AFAP1L2: variants seen among roughly 807,000 people sequenced by gnomAD.
AFAP1L2 encodes the protein actin filament associated protein 1 like 2.
A neutral mutation model predicts 99.3 loss-of-function variants in AFAP1L2; 46 were observed. The observed-to-expected ratio is 0.46, with a 90% CI of 0.37 to 0.59. The LOEUF (loss-of-function observed/expected upper bound fraction) is 0.59, where lower values mean the gene tolerates loss of function less well. Among genes scored for constraint, AFAP1L2 ranks in the 20% least tolerant of loss-of-function variants. AFAP1L2 has a pLI of 0.00. For missense variants in AFAP1L2, 959 were observed against 1,034.9 expected (o/e 0.93, Z 1.01); for synonymous variants, 397 against 419.1 (o/e 0.95, Z 0.64).
chr10:114,397,297 T>G (rs891396855), intron 1 of AFAP1L2, among the ~76,000 whole-genome samples: 2 of 152,202 alleles, frequency 1.3e-5, no homozygotes, highest in Non-Finnish European at 2.9e-5. Context: ...CTGATCTGTT[T>G]CCCTATAGTT....
At chr10:114,334,740 CCACT>C (rs2047680852) in intron 2 of AFAP1L2, among the ~76,000 whole-genome samples, 1 of 152,190 alleles carries the variant, frequency 6.6e-6, no homozygotes, top group African/African-American at 2.4e-5. Flanking sequence ...AGATTCCCAC[CCACT>C]GAGACTCAGA....
At chr10:114,316,236 G>A (rs754389923) in intron 5 of AFAP1L2, among the ~76,000 whole-genome samples, 41 of 152,224 alleles carry the variant, frequency 2.7e-4, no homozygotes, top group Non-Finnish European at 5.0e-4. Flanking sequence ...AACGCCATCC[G>A]TGCTCCACCT....
chr10:114,378,557 T>C (rs1193625853), intron 1 of AFAP1L2, among the ~76,000 whole-genome samples: 1 of 152,234 alleles, frequency 6.6e-6, no homozygotes, highest in Non-Finnish European at 1.5e-5. Flanking sequence ...TGAGAAATGG[T>C]CCGTCTCCCT....
At chr10:114,307,769 T>C (rs1161833030) in intron 10 of AFAP1L2, 36 bp downstream of exon 10, 1 of 1,580,534 alleles carries the variant, frequency 6.3e-7, no homozygotes, top group South Asian at 1.1e-5. Flanking sequence ...GCCCAGGAAA[T>C]GAGCCTGTGG....
intron 4 of AFAP1L2, 50 bp downstream of exon 4, chr10:114,331,753 G>T: frequency 7.9e-7 from 1 of 1,264,708 alleles, no homozygotes. Flanking sequence ...ACAACTGGAA[G>T]TTCAAGGGGC....
chr10:114,321,208 C>T (rs1383076959), intron 5 of AFAP1L2, among the ~76,000 whole-genome samples: 1 of 152,256 alleles, frequency 6.6e-6, no homozygotes, highest in Admixed American at 6.5e-5. Context: ...CACTGTCATT[C>T]GAGTGGTGTA....
At chr10:114,299,912 C>T (rs961920671) in intron 15 of AFAP1L2, among the ~76,000 whole-genome samples, 7 of 152,180 alleles carry the variant, frequency 4.6e-5, no homozygotes, top group Non-Finnish European at 7.3e-5. Context: ...TAGACTTACA[C>T]CAGTGATTTG....
the AFAP1L2 span, among the ~76,000 whole-genome samples, chr10:114,287,276 G>A: frequency 6.6e-6 from 1 of 152,124 alleles, no homozygotes; most frequent in South Asian, 2.1e-4. Flanking sequence ...GAACTCCTGG[G>A]CTCACGTGAT....
intron 1 of AFAP1L2, among the ~76,000 whole-genome samples, chr10:114,380,576 G>T (rs568075573): frequency 6.6e-6 from 1 of 152,330 alleles, no homozygotes; most frequent in African/African-American, 2.4e-5. Context: ...AAATGCTTAT[G>T]ATGAGTGTGT....
intron 1 of AFAP1L2, among the ~76,000 whole-genome samples, chr10:114,356,907 C>T (rs549032114): frequency 2.0e-5 from 3 of 152,340 alleles, no homozygotes; most frequent in African/African-American, 7.2e-5. Flanking sequence ...AAGTTCTCTC[C>T]TCAGGAAAAC....
intron 1 of AFAP1L2, among the ~76,000 whole-genome samples, chr10:114,381,740 A>G (rs2055643843): frequency 6.6e-6 from 1 of 152,192 alleles, no homozygotes; most frequent in South Asian, 2.1e-4. Flanking sequence ...GTCAAAAGAT[A>G]AGAAACTGGA....
chr10:114,390,448 T>G (rs2056997451), intron 1 of AFAP1L2, among the ~76,000 whole-genome samples: 1 of 152,092 alleles, frequency 6.6e-6, no homozygotes, highest in Non-Finnish European at 1.5e-5. Flanking sequence ...ATCGGCCGGC[T>G]GCGGTGGCTC....
chr10:114,326,007 G>A, intron 4 of AFAP1L2: 1 of 1,257,074 alleles, frequency 8.0e-7, no homozygotes, highest in Non-Finnish European at 1.0e-6. Context: ...GAAAAGCTCT[G>A]GGCACCCGAG....
At chr10:114,285,456 T>G in the AFAP1L2 span, among the ~76,000 whole-genome samples, 1 of 152,254 alleles carries the variant, frequency 6.6e-6, no homozygotes, top group Non-Finnish European at 1.5e-5. Flanking sequence ...ATATAAGGGC[T>G]TGATGAATAA....
At chr10:114,404,959 T>G (rs1037854213), upstream of AFAP1L2, among the ~76,000 whole-genome samples, 1 of 152,156 alleles carries the variant, frequency 6.6e-6, no homozygotes, top group Non-Finnish European at 1.5e-5. Context: ...TCCTCGCGCT[T>G]GGCTCCCGAG....
In AFAP1L2 at chr10:114,302,581, C is replaced by T. The variant is rs1291475420; in HGVS notation, c.1285-97G>A. Reference sequence around the variant, plus strand: ...CCATGACCGTACCCCTACCCCTGAGCCTGCCCACGAAAGCCTCTGTAACAG... The same window carrying T: ...CCATGACCGTACCCCTACCCCTGAGTCTGCCCACGAAAGCCTCTGTAACAG... On this transcript the variant is annotated intron_variant, in intron 11 of 18. Transcript: ENST00000304129. The T allele has an allele frequency of 3.3e-6, 5 of 1,497,504 alleles. No individual in the cohort carries two copies. In the African/African-American group the frequency reaches 5.6e-5, roughly 17 times the overall value. The allele number at this position is 1,497,504 out of a possible 1,614,324, so 92.8% of individuals were successfully genotyped here. A position where few individuals can be genotyped will look rare whatever the true frequency, so the allele number is the denominator to read the frequency against.
rs138318818 is a variant in AFAP1L2 at position 114,314,925 on chromosome 10, A to G, written c.612+635T>C. Among the ~76,000 whole-genome samples, 533 of 152,258 alleles carry G rather than the reference A, an allele frequency of 3.5e-3. 6 individuals carry two copies. Among genetic ancestry groups the G allele is most frequent in the African/African-American group, 0.012 (508 of 41,526 alleles). On this transcript the variant is annotated intron_variant, in intron 6 of 18. Transcript: ENST00000304129. ...TGGGAGGCTGAGGCAGGCAGATCAC[A>G]AAGTCCGGAGTTCGAGACCAGCCTG...
At chr10:114,402,055 C>A (rs541348096) in intron 1 of AFAP1L2, among the ~76,000 whole-genome samples, 1 of 152,298 alleles carries the variant, frequency 6.6e-6, no homozygotes, top group African/African-American at 2.4e-5. Context: ...GTGTCACACA[C>A]AATAAGAATT....
At chr10:114,331,307 T>C (rs995167659) in intron 4 of AFAP1L2, among the ~76,000 whole-genome samples, 2 of 152,236 alleles carry the variant, frequency 1.3e-5, no homozygotes, top group African/African-American at 4.8e-5. Flanking sequence ...ATGTTAGAGA[T>C]GGGGTCTTGC....
Sources: gnomAD v4.1 joint callset for allele counts (sites outside exome capture counted in the v4.1 genomes callset) on GRCh38, gnomAD v4.1.1 for gene constraint, MANE v1.5 for transcripts, NCBI Gene and HGNC (gene_info 2026-07-23, HGNC 2026-07-21) for gene names.